Variants in FHL1 observed in about 807,000 individuals in gnomAD.
FHL1 encodes four and a half LIM domains 1.
In FHL1, 1 loss-of-function variant was observed where a neutral mutation model predicts 20.3. The ratio of observed to expected loss-of-function variants is 0.05; its 90% CI spans 0.02 to 0.23. The LOEUF is 0.23. FHL1 is among the 10% of genes least tolerant of loss of function. FHL1 has a pLI of 1.00. For synonymous variants in FHL1, 82 were observed against 88.9 expected, an observed-to-expected ratio of 0.92 and a Z score of 0.44; for missense variants, 177 against 234.0, an observed-to-expected ratio of 0.76 and a Z score of 1.59.
At chrX:136,150,668 T>A (rs2072241807) in intron 1 of FHL1, among the ~76,000 whole-genome samples, 1 of 112,301 alleles carries the variant, frequency 8.9e-6, no homozygotes, top group African/African-American at 3.2e-5. Flanking sequence ...ACTTTTCGTT[T>A]ATTCAACAAA....
At chrX:136,201,751 A>C (rs1702879997) in intron 1 of FHL1, among the ~76,000 whole-genome samples, 1 of 107,455 alleles carries the variant, frequency 9.3e-6, no homozygotes, top group Non-Finnish European at 1.9e-5. Context: ...CATCCCTACT[A>C]TGTACAGATG....
intron 1 of FHL1, among the ~76,000 whole-genome samples, chrX:136,157,909 T>C (rs964839811): frequency 8.9e-6 from 1 of 111,765 alleles, no homozygotes; most frequent in African/African-American, 3.2e-5. Flanking sequence ...ACAATTCTGA[T>C]AGACAGAAAA....
intron 2 of FHL1, among the ~76,000 whole-genome samples, chrX:136,174,025 A>G (rs2072940383): frequency 8.9e-6 from 1 of 111,834 alleles, no homozygotes; most frequent in Non-Finnish European, 1.9e-5. Context: ...CTAGAGCATG[A>G]ACTCTGAAGT....
intron 1 of FHL1, among the ~76,000 whole-genome samples, chrX:136,150,143 A>G (rs1304052322): frequency 1.8e-5 from 2 of 112,280 alleles, no homozygotes; most frequent in African/African-American, 6.5e-5. Context: ...CATTTCAGGA[A>G]TTAACAGAAG....
At position 136,207,197 on chromosome X, in the gene FHL1, C is replaced by T; in HGVS notation, c.379+7C>T. ...TTCAAGGCCATTGTGGCAGGTACTG[C>T]CTCCTTCCCACCCCGGGTTCCCAGG... On this transcript the variant is annotated splice_region_variant and intron_variant, in intron 3 of 5. Coordinates refer to ENST00000370683, the MANE Select transcript of FHL1 (RefSeq NM_001159699.2). 2 of 1,194,774 alleles carry T rather than the reference C, an allele frequency of 1.7e-6. No individual in the cohort carries two copies. The highest frequency in any genetic ancestry group is 2.4e-4 in the Middle Eastern group (1 of 4,246).
At chrX:136,209,567 G>A (rs755464592) in intron 5 of FHL1, 28 of 698,109 alleles carry the variant, frequency 4.0e-5, no homozygotes, top group Middle Eastern at 4.8e-4. Flanking sequence ...GGGCAATAGC[G>A]TGGTGGCATG....
chrX:136,157,558 C>T (rs759975452), intron 1 of FHL1, among the ~76,000 whole-genome samples: 6 of 111,143 alleles, frequency 5.4e-5, no homozygotes, highest in African/African-American at 2.0e-4. Flanking sequence ...AAACCACTGC[C>T]CCAATCAGGA....
intron 2 of FHL1, among the ~76,000 whole-genome samples, chrX:136,187,695 G>A (rs1049689738): frequency 9.0e-6 from 1 of 111,110 alleles, no homozygotes; most frequent in Admixed American, 9.6e-5. Context: ...TGGTTCCCAC[G>A]GGGTGGGGGT....
intron 1 of FHL1, among the ~76,000 whole-genome samples, chrX:136,198,482 G>A (rs2073618194): frequency 8.9e-6 from 1 of 111,804 alleles, no homozygotes; most frequent in Non-Finnish European, 1.9e-5. Context: ...GGCTAAATGG[G>A]ACCAATTATT....
intron 2 of FHL1, among the ~76,000 whole-genome samples, chrX:136,172,925 G>A (rs2072910326): frequency 1.8e-5 from 2 of 111,710 alleles, no homozygotes; most frequent in South Asian, 7.6e-4. Context: ...TGGAGACGGG[G>A]TTTCACCATG....
chrX:136,192,994 A>T (rs1483723570), upstream of FHL1, among the ~76,000 whole-genome samples: 1 of 109,849 alleles, frequency 9.1e-6, no homozygotes, highest in East Asian at 2.9e-4. Flanking sequence ...TGGCAGAGGG[A>T]TTAAGTAGCC....
Position 136,208,457 on chromosome X carries a change from C to T in FHL1, c.552C>T (p.Ala184=). ...CGGTGCTACACTCCCTGGTCTAGGC[C>T]ATCACATCTGGAGGAATCACTTACC... ...FAKHCVKCNK[A]ITSGGITYQD... is the part of the protein sequence containing the mutation. The change falls in exon 5 of 6, where the codon GCC becomes GCT. Residue 184 remains alanine (A), a splice_region_variant and synonymous_variant. Transcript: ENST00000370683. The T allele has an allele frequency of 1.7e-6, 2 of 1,211,663 alleles. No individual in the cohort carries two copies. Among genetic ancestry groups the T allele is most frequent in the African/African-American group, 3.5e-5 (2 of 57,819 alleles).
At chrX:136,182,053 C>T (rs951502213) in intron 2 of FHL1, among the ~76,000 whole-genome samples, 3 of 111,525 alleles carry the variant, frequency 2.7e-5, no homozygotes, top group Admixed American at 9.5e-5. Context: ...AATTTAGGAG[C>T]CTTATTTTAA....
At position 136,206,394 on chromosome X, in the gene FHL1, C is replaced by G. The variant is rs2073839827; in HGVS notation, c.23-13C>G. 2 of 1,210,112 alleles carry G rather than the reference C, an allele frequency of 1.7e-6. No homozygotes were observed. Among genetic ancestry groups the G allele is most frequent in the Non-Finnish European group, 2.2e-6 (2 of 895,156 alleles). On this transcript the variant is annotated splice_polypyrimidine_tract_variant and intron_variant, in intron 1 of 5. Transcript: ENST00000370683. ...TTCCTGTGGTCATTTGTCCTGTCTG[C>G]TTGCCCCCGCAGGTCCCTCCAGCTA...
chrX:136,163,624 C>T (rs752274795), intron 1 of FHL1, among the ~76,000 whole-genome samples: 19 of 111,704 alleles, frequency 1.7e-4, no homozygotes, highest in Non-Finnish European at 5.6e-5. Flanking sequence ...GCGATGGTTG[C>T]TGGGGTGACA....
intron 4 of FHL1, 141 bp from the exon 5 acceptor site, chrX:136,208,314 A>G: frequency 1.5e-6 from 1 of 659,364 alleles, no homozygotes; most frequent in Non-Finnish European, 2.4e-6. Flanking sequence ...GGGGATAATA[A>G]TAGCCCCTGC....
intron 2 of FHL1, among the ~76,000 whole-genome samples, chrX:136,176,111 A>AT (rs1416053952): frequency 8.9e-6 from 1 of 112,243 alleles, no homozygotes; most frequent in African/African-American, 3.2e-5. Context: ...GCATCTTGGT[A>AT]TATACCACAT....
intron 2 of FHL1, among the ~76,000 whole-genome samples, chrX:136,177,475 T>G (rs750188085): frequency 8.9e-6 from 1 of 112,303 alleles, no homozygotes; most frequent in Admixed American, 9.4e-5. Context: ...TTAAAACTTT[T>G]TCTCTTCTCC....
chrX:136,196,405 T>C (rs1742145431), upstream of FHL1, among the ~76,000 whole-genome samples: 1 of 111,375 alleles, frequency 9.0e-6, no homozygotes, highest in Admixed American at 9.5e-5. Context: ...AAACAAGAGG[T>C]TGAGTTTGTG....
Sources: allele counts gnomAD v4.1 joint callset (sites outside exome capture counted in the v4.1 genomes callset), GRCh38; gene constraint gnomAD v4.1.1; transcripts MANE v1.5; gene names NCBI Gene and HGNC (gene_info 2026-07-23, HGNC 2026-07-21).